Variants in ZNF20 observed in about 807,000 individuals in gnomAD.
ZNF20 encodes zinc finger protein KOX13.
In ZNF20, 9 loss-of-function variants were observed where a neutral mutation model predicts 11.0. The ratio of observed to expected loss-of-function variants is 0.82; its 90% CI spans 0.49 to 1.43. ZNF20 has a LOEUF of 1.43. Ranked by LOEUF, ZNF20 falls within the 40% of genes most tolerant of loss-of-function variation. The pLI is 0.00. For synonymous variants in ZNF20, 182 were observed against 213.0 expected, an observed-to-expected ratio of 0.85 and a Z score of 1.27; for missense variants, 528 against 640.8, an observed-to-expected ratio of 0.82 and a Z score of 1.90.
chr19:12,136,546 G>A (rs1341021494), intron 1 of ZNF20, among the ~76,000 whole-genome samples: 1 of 151,742 alleles, frequency 6.6e-6, no homozygotes, highest in East Asian at 1.9e-4. Context: ...AATTAGCTGG[G>A]CATGTTGGCA....
Position 12,133,045 on chromosome 19 carries a change from G to C in ZNF20, c.1141C>G (p.Gln381Glu). The C allele has an allele frequency of 6.2e-7, 1 of 1,613,972 alleles. No individual in the cohort carries two copies. Among genetic ancestry groups the C allele is most frequent in the Admixed American group, 1.7e-5 (1 of 59,996 alleles). The change falls in exon 4 of 4, where the codon CAA becomes GAA. Residue 381 changes from glutamine to glutamate, a missense_variant. By Grantham distance (29) the Gln-to-Glu change is conservative. Transcript: ENST00000334213. ...TGCGTCCTTTCATGAATTTGAAGTT[G>C]TGAAGCACATCTAAAGCCTTTCCCA... The part of the protein sequence containing the change: ...QCGKGFRCAS[Q>E]LQIHERTHSG...
At chr19:12,134,941 T>C (rs1976686854) in intron 3 of ZNF20, among the ~76,000 whole-genome samples, 1 of 152,118 alleles carries the variant, frequency 6.6e-6, no homozygotes, top group African/African-American at 2.4e-5. Context: ...GGTACCAACA[T>C]GGCTCACTGC....
At chr19:12,134,816 T>C (rs1178911589) in intron 3 of ZNF20, among the ~76,000 whole-genome samples, 3 of 152,206 alleles carry the variant, frequency 2.0e-5, no homozygotes. Flanking sequence ...TTAGTATTTC[T>C]ATGGGGCTTT....
rs1429351109 is a variant in ZNF20, at chr19:12,139,860, G to A, written c.3+320C>T. Reference sequence around the variant, plus strand: ...TCTTTAACAGAAAAAAAAATCCGCAGGATTCCCCCATGACCCTCCCGTGGT... The same window carrying A: ...TCTTTAACAGAAAAAAAAATCCGCAAGATTCCCCCATGACCCTCCCGTGGT... On this transcript the variant is annotated intron_variant, in intron 1 of 3. Coordinates refer to ENST00000334213, the MANE Select transcript of ZNF20 (RefSeq NM_021143.4). This position sits in a 1 kb window ranked among gnomAD's most constrained non-coding sequence, Gnocchi z 4.0. Among the ~76,000 whole-genome samples the A allele has an allele frequency of 6.6e-6, 1 of 152,116 alleles. No homozygotes were observed. The highest frequency in any genetic ancestry group is 1.9e-4 in the East Asian group (1 of 5,184).
At chr19:12,137,851 A>G (rs1261793300) in intron 1 of ZNF20, 1 of 152,526 alleles carries the variant, frequency 6.6e-6, no homozygotes, top group Non-Finnish European at 1.5e-5. Flanking sequence ...CTGACCAGCT[A>G]TGTGTCTCCA....
At position 12,135,914 on chromosome 19, in the gene ZNF20, A is replaced by G. The variant is rs2145599925; in HGVS notation, c.4-10T>C. ...CTGAATCCTGAAACATCTCACATATATAAAAGAGGACAGGTAAGACTAACA... is the reference window on the plus strand; with the variant it reads ...CTGAATCCTGAAACATCTCACATATGTAAAAGAGGACAGGTAAGACTAACA... On this transcript the variant is annotated splice_polypyrimidine_tract_variant and intron_variant, in intron 1 of 3. Coordinates refer to ENST00000334213, the MANE Select transcript of ZNF20 (RefSeq NM_021143.4). The G allele has an allele frequency of 3.1e-6, 5 of 1,613,572 alleles. No homozygotes were observed. The highest frequency in any genetic ancestry group is 4.2e-6 in the Non-Finnish European group (5 of 1,179,852).
chr19:12,132,622 G>C lies in ZNF20; in HGVS notation c.1564C>G (p.Arg522Gly), dbSNP rs778980347. 1 of 1,606,264 alleles carries C rather than the reference G, an allele frequency of 6.2e-7. No homozygotes were observed. The highest frequency in any genetic ancestry group is 2.2e-5 in the East Asian group (1 of 44,846). ...ATGGTATGAGTTCTTTCATGTTCTC[G>C]ACATGAACTGGCACGAATAAAGGCT... ...GKAFIRASSCREHERTHTINR is the reference protein window; with the variant it reads ...GKAFIRASSCGEHERTHTINR The change falls in exon 4 of 4, where the codon CGA becomes GGA. Residue 522 changes from arginine (R) to glycine (G), a missense_variant. Arg to Gly is a moderately radical substitution (Grantham distance 125, BLOSUM62 -2). Transcript: ENST00000334213.
Position 12,139,881 on chromosome 19 carries a change from G to A in ZNF20, c.3+299C>T, listed in dbSNP as rs1976771605. On this transcript the variant is annotated intron_variant, in intron 1 of 3. Coordinates refer to ENST00000334213, the MANE Select transcript of ZNF20 (RefSeq NM_021143.4). This position sits in a 1 kb window ranked among gnomAD's most constrained non-coding sequence, Gnocchi z 4.0. ...CGCAGGATTCCCCCATGACCCTCCCGTGGTCCCCGCAAAATCTGAAGAGAC... is the reference window on the plus strand; with the variant it reads ...CGCAGGATTCCCCCATGACCCTCCCATGGTCCCCGCAAAATCTGAAGAGAC... Among the ~76,000 whole-genome samples the A allele has an allele frequency of 6.6e-6, 1 of 152,062 alleles. No individual in the cohort carries two copies. The highest frequency in any genetic ancestry group is 2.1e-4 in the South Asian group (1 of 4,824).
Position 12,135,662 on chromosome 19 carries a change from T to A in ZNF20, c.140-102A>T. The A allele has an allele frequency of 2.5e-6, 4 of 1,588,812 alleles. No homozygotes were observed. The South Asian group carries it at 4.6e-5, about 18-fold the overall frequency. On this transcript the variant is annotated intron_variant, in intron 2 of 3. Coordinates refer to ENST00000334213, the MANE Select transcript of ZNF20 (RefSeq NM_021143.4). ...ATGGTACATGGTAGCCATGCCTGAT[T>A]TATTCATCAAAGTATTTTTTGTCCA...
Position 12,140,251 on chromosome 19 carries a change from C to G in ZNF20, c.-69G>C, listed in dbSNP as rs750141090. The G allele has an allele frequency of 6.4e-7, 1 of 1,572,558 alleles. No homozygotes were observed. The highest frequency in any genetic ancestry group is 1.2e-5 in the South Asian group (1 of 86,308). On this transcript the variant is annotated 5_prime_UTR_variant, in exon 1 of 4. Coordinates refer to ENST00000334213, the MANE Select transcript of ZNF20 (RefSeq NM_021143.4). ...TGAATAGTGCGGGTCACGGTGCAGG[C>G]GGCAGAGCGACAGAAGTTGTGGCAG...
intron 1 of ZNF20, chr19:12,137,397 C>T (rs1168018939): frequency 6.5e-6 from 1 of 153,050 alleles, no homozygotes; most frequent in Non-Finnish European, 1.5e-5. Flanking sequence ...GCTCAACCCA[C>T]ATATGTGACT....
At chr19:12,134,102 T>C in intron 3 of ZNF20, 117 bp from the exon 4 acceptor site, 3 of 807,040 alleles carry the variant, frequency 3.7e-6, no homozygotes, top group Non-Finnish European at 5.7e-6. Context: ...GGTGGGCAGA[T>C]CACCTGAGGT....
chr19:12,136,620 G>A (rs1976715844), intron 1 of ZNF20, among the ~76,000 whole-genome samples: 1 of 152,062 alleles, frequency 6.6e-6, no homozygotes, highest in African/African-American at 2.4e-5. Flanking sequence ...CCGGGAGGCA[G>A]AGATTGCGGT....
At chr19:12,137,797 C>T (rs73002442) in intron 1 of ZNF20, 26,840 of 152,298 alleles carry the variant, frequency 0.18, 2,805 homozygotes, top group African/African-American at 0.28. Flanking sequence ...TCTGCTGTGG[C>T]TCACTTCACC....
chr19:12,133,227 A>C lies in ZNF20; in HGVS notation c.959T>G (p.Phe320Cys). 1 of 1,614,120 alleles carries C rather than the reference A, an allele frequency of 6.2e-7. No individual in the cohort carries two copies. The highest frequency in any genetic ancestry group is 8.5e-7 in the Non-Finnish European group (1 of 1,180,022). The change falls in exon 4 of 4, where the codon TTT (phenylalanine) becomes TGT (cysteine). Residue 320 changes from phenylalanine to cysteine, a missense_variant. Coordinates refer to ENST00000334213, the MANE Select transcript of ZNF20 (RefSeq NM_021143.4). ...CTTTTGAAGGTGTGAGCCACATCTA[A>C]AGGCTTTCCCACACTGCTTACATTC... ...PYECKQCGKA[F>C]RCGSHLQKHG... is the part of the protein sequence containing the mutation.
chr19:12,133,217 G>A lies in ZNF20; in HGVS notation c.969C>T (p.Gly323=), dbSNP rs1244371452. 1 of 1,613,120 alleles carries A rather than the reference G, an allele frequency of 6.2e-7. No homozygotes were observed. Among genetic ancestry groups the A allele is most frequent in the Admixed American group, 1.7e-5 (1 of 59,930 alleles). ...TCCTTCCATGCTTTTGAAGGTGTGA[G>A]CCACATCTAAAGGCTTTCCCACACT... ...CKQCGKAFRC[G]SHLQKHGRTH... The change falls in exon 4 of 4, where the codon GGC becomes GGT. Residue 323 remains glycine, a synonymous_variant. Transcript: ENST00000334213.
Position 12,132,448 on chromosome 19 carries a change from T to G in ZNF20, c.*139A>C, listed in dbSNP as rs899329266. 7.1e-6 allele frequency: 6 copies of G among 842,984 alleles called. No individual in the cohort carries two copies. Among genetic ancestry groups the G allele is most frequent in the Non-Finnish European group, 1.1e-5 (6 of 550,408 alleles). 52.2% of individuals were successfully genotyped at this position (842,984 alleles called of 1,614,324 possible). ...CGAAACCATCCAAGTTCTTCTAGAT[T>G]TTATTGTCCTATCGCAAGTCTCTCT... On this transcript the variant is annotated 3_prime_UTR_variant, in exon 4 of 4. Coordinates refer to ENST00000334213, the MANE Select transcript of ZNF20 (RefSeq NM_021143.4).
At position 12,135,411 on chromosome 19, in the gene ZNF20, A is replaced by G. The variant is rs1265138771; in HGVS notation, c.200+89T>C. ...CACCTCGACCTCCCAAAGTGCTGGG[A>G]TTACAGGCGTGAGCCACTGTACCCG... is the stretch of plus-strand genomic sequence containing the variant. On this transcript the variant is annotated intron_variant, in intron 3 of 3. Coordinates refer to ENST00000334213, the MANE Select transcript of ZNF20 (RefSeq NM_021143.4). The G allele has an allele frequency of 5.1e-6, 7 of 1,375,784 alleles. No homozygotes were observed. In the Admixed American group the frequency reaches 1.1e-4, roughly 21 times the overall value. 85.2% of individuals were successfully genotyped at this position (1,375,784 alleles called of 1,614,324 possible).
Position 12,135,505 on chromosome 19 carries a change from A to C in ZNF20, c.195T>G (p.Asn65Lys). The C allele has an allele frequency of 6.2e-7, 1 of 1,613,514 alleles. No individual in the cohort carries two copies. The highest frequency in any genetic ancestry group is 1.3e-5 in the African/African-American group (1 of 74,986). The change falls in exon 3 of 4, where the codon AAT becomes AAG. Residue 65 changes from asparagine to lysine, a missense_variant. Transcript: ENST00000334213. ...IEDEYKNPRRNLSLMREKLCE... is the reference protein window; with the variant it reads ...IEDEYKNPRRKLSLMREKLCE... ...GTCTTGCGAGAGAAAATTACCTTAGATTTCTCCTGGGATTTTTGTACTCAT... is the reference window on the plus strand; with the variant it reads ...GTCTTGCGAGAGAAAATTACCTTAGCTTTCTCCTGGGATTTTTGTACTCAT...
Sources: allele counts gnomAD v4.1 joint callset (sites outside exome capture counted in the v4.1 genomes callset), GRCh38; gene constraint gnomAD v4.1.1; non-coding constraint Gnocchi (gnomAD v3.1); transcripts MANE v1.5; gene names NCBI Gene and HGNC (gene_info 2026-07-23, HGNC 2026-07-21).